Variants in NPAS3 observed in about 807,000 individuals in gnomAD.
The protein encoded by NPAS3 is neuronal PAS domain-containing protein 3.
Under a neutral mutation model 73.1 loss-of-function variants are expected in NPAS3, and 14 were observed. The observed-to-expected ratio is 0.19, with a 90% CI of 0.13 to 0.30. The LOEUF (loss-of-function observed/expected upper bound fraction) is 0.30, where lower values mean the gene tolerates loss of function less well. Ranked by LOEUF, NPAS3 falls within the 10% of genes least tolerant of loss-of-function variation. The pLI is 1.00. For missense variants in NPAS3, 1,096 were observed against 1,250.0 expected, an observed-to-expected ratio of 0.88 and a Z score of 1.86; for synonymous variants, 620 against 541.5, an observed-to-expected ratio of 1.14 and a Z score of -2.01.
At chr14:33,533,595 A>G (rs920942940) in intron 4 of NPAS3, among the ~76,000 whole-genome samples, 1 of 152,148 alleles carries the variant, frequency 6.6e-6, no homozygotes, top group African/African-American at 2.4e-5. Flanking sequence ...GGATCAAGTA[A>G]TTCATTTTTA....
chr14:33,770,938 C>T (rs1292295937), intron 7 of NPAS3, among the ~76,000 whole-genome samples: 9 of 152,146 alleles, frequency 5.9e-5, no homozygotes, highest in Non-Finnish European at 1.2e-4. Flanking sequence ...TTGCAACACA[C>T]TTATTTTTTT....
chr14:33,202,532 TAGG>T (rs1251095612), intron 2 of NPAS3, among the ~76,000 whole-genome samples: 1 of 152,146 alleles, frequency 6.6e-6, no homozygotes, highest in African/African-American at 2.4e-5. Flanking sequence ...AATAAAGGAA[TAGG>T]AGCCTATCAG....
At chr14:33,676,658 A>G (rs1172588941) in intron 6 of NPAS3, among the ~76,000 whole-genome samples, 1 of 152,242 alleles carries the variant, frequency 6.6e-6, no homozygotes. Context: ...TAGAGGGAAC[A>G]GCTTCCGATT....
chr14:33,271,599 C>T (rs1173514083), intron 3 of NPAS3, among the ~76,000 whole-genome samples: 2 of 151,980 alleles, frequency 1.3e-5, no homozygotes, highest in African/African-American at 4.8e-5. Context: ...ATAATAATTC[C>T]ACCAATGCTA....
At chr14:33,668,711 C>T (rs1340542128) in intron 5 of NPAS3, among the ~76,000 whole-genome samples, 1 of 152,068 alleles carries the variant, frequency 6.6e-6, no homozygotes, top group Non-Finnish European at 1.5e-5. Context: ...CCCAACTACT[C>T]CAGAGGCTGA....
At chr14:33,509,086 C>T (rs2052914229) in intron 4 of NPAS3, among the ~76,000 whole-genome samples, 1 of 151,070 alleles carries the variant, frequency 6.6e-6, no homozygotes, top group African/African-American at 2.4e-5. Context: ...AGACTATATC[C>T]TATATGTAAG....
rs77700119 is a variant in NPAS3 at position 33,322,538 on chromosome 14, G to A, written c.386-44648G>A. 7.9e-3 allele frequency among the ~76,000 whole-genome samples: 1,192 copies of A among 151,582 alleles called. 7 individuals are homozygous for A. The highest frequency in any genetic ancestry group is 0.013 in the Non-Finnish European group (871 of 67,964). On this transcript the variant is annotated intron_variant, in intron 3 of 11. Transcript: ENST00000356141. ...TGTGTATGTGTGTGTGTGTGTGAAG[G>A]TAAACATTGTTTTAAGCAAAATTTT...
intron 2 of NPAS3, among the ~76,000 whole-genome samples, chr14:33,128,618 G>A (rs2043520661): frequency 1.3e-5 from 2 of 152,088 alleles, no homozygotes. Context: ...AAACTTCATT[G>A]TATTCCATAC....
At chr14:33,774,291 G>C in intron 7 of NPAS3, 46 bp from the exon 8 acceptor site, 1 of 1,466,764 alleles carries the variant, frequency 6.8e-7, no homozygotes, top group East Asian at 2.3e-5. Flanking sequence ...TGTTATATCT[G>C]GGATGTAAAT....
chr14:33,540,421 G>A (rs1406040710), intron 4 of NPAS3, among the ~76,000 whole-genome samples: 3 of 152,144 alleles, frequency 2.0e-5, no homozygotes, highest in Non-Finnish European at 4.4e-5. Context: ...CCACCCCAAG[G>A]TGACTGTTAT....
At chr14:33,024,093 T>A (rs1469262417) in intron 1 of NPAS3, among the ~76,000 whole-genome samples, 1 of 151,942 alleles carries the variant, frequency 6.6e-6, no homozygotes, top group Admixed American at 6.6e-5. Flanking sequence ...AAGTAATATA[T>A]GTATATGTGT....
chr14:33,333,660 G>C (rs1179108708), intron 3 of NPAS3, among the ~76,000 whole-genome samples: 1 of 151,934 alleles, frequency 6.6e-6, no homozygotes, highest in Non-Finnish European at 1.5e-5. Flanking sequence ...TGGGTGGATT[G>C]GTTTCATTTC....
intron 3 of NPAS3, among the ~76,000 whole-genome samples, chr14:33,297,784 G>T (rs539515843): frequency 3.3e-5 from 5 of 152,304 alleles, no homozygotes; most frequent in Non-Finnish European, 5.9e-5. Context: ...GAGCTCGCTA[G>T]TTCACTGGTG....
At chr14:33,332,245 T>C (rs888807954) in intron 3 of NPAS3, among the ~76,000 whole-genome samples, 2 of 152,190 alleles carry the variant, frequency 1.3e-5, no homozygotes, top group African/African-American at 4.8e-5. Flanking sequence ...TTGCTTGGCT[T>C]GACCTCTTAA....
At chr14:33,416,734 CA>C (rs2048163852) in intron 4 of NPAS3, among the ~76,000 whole-genome samples, 1 of 151,912 alleles carries the variant, frequency 6.6e-6, no homozygotes, top group Admixed American at 6.6e-5. Context: ...TTAAGTTTCT[CA>C]TTTTATAGGA....
intron 2 of NPAS3, among the ~76,000 whole-genome samples, chr14:33,064,218 C>G (rs1357965400): frequency 6.6e-6 from 1 of 151,948 alleles, no homozygotes; most frequent in Non-Finnish European, 1.5e-5. Context: ...ATCAAAAAAA[C>G]TTACAGTATT....
At chr14:33,244,894 T>C (rs1342199920) in intron 3 of NPAS3, among the ~76,000 whole-genome samples, 1 of 152,224 alleles carries the variant, frequency 6.6e-6, no homozygotes, top group East Asian at 1.9e-4. Context: ...TTGGGACAAG[T>C]GGTTTTCCTC....
At chr14:33,457,112 C>T (rs942668484) in intron 4 of NPAS3, among the ~76,000 whole-genome samples, 2 of 152,150 alleles carry the variant, frequency 1.3e-5, no homozygotes, top group Non-Finnish European at 2.9e-5. Flanking sequence ...AAGGGCGAGT[C>T]GCCGTCCAAA....
intron 3 of NPAS3, among the ~76,000 whole-genome samples, chr14:33,274,988 A>G (rs1164199046): frequency 6.6e-6 from 1 of 152,230 alleles, no homozygotes; most frequent in Non-Finnish European, 1.5e-5. Context: ...GCAAGTTCTC[A>G]AATCTGAATC....
Sources: gnomAD v4.1 joint callset for allele counts (sites outside exome capture counted in the v4.1 genomes callset) on GRCh38, gnomAD v4.1.1 for gene constraint, MANE v1.5 for transcripts, NCBI Gene and HGNC (gene_info 2026-07-23, HGNC 2026-07-21) for gene names.